The following UST variants were observed in gnomAD, a reference collection of about 807,000 sequenced individuals.
UST encodes chondroitin sulfate 2-O-sulfotransferase.
Under a neutral mutation model 45.6 loss-of-function variants are expected in UST, and 21 were observed. That is an observed-to-expected ratio of 0.46 (90% CI 0.33 to 0.66). The LOEUF is 0.66. UST is among the 30% of genes least tolerant of loss of function. UST has a pLI of 0.02. For missense variants in UST, 463 were observed against 512.4 expected, an observed-to-expected ratio of 0.90 and a Z score of 0.93; for synonymous variants, 215 against 200.6, an observed-to-expected ratio of 1.07 and a Z score of -0.61.
intron 1 of UST, among the ~76,000 whole-genome samples, chr6:148,770,040 C>T (rs147708869): frequency 6.6e-6 from 1 of 151,930 alleles, no homozygotes; most frequent in African/African-American, 2.4e-5. Context: ...ATTAAGAGTT[C>T]TAAAACATTG....
At chr6:148,995,172 G>A (rs1233072338) in intron 5 of UST, among the ~76,000 whole-genome samples, 2 of 152,092 alleles carry the variant, frequency 1.3e-5, no homozygotes, top group South Asian at 2.1e-4. Flanking sequence ...TTATAGGCAC[G>A]CACCACCACA....
intron 1 of UST, among the ~76,000 whole-genome samples, chr6:148,874,072 G>C (rs1198741646): frequency 6.6e-6 from 1 of 152,262 alleles, no homozygotes; most frequent in Non-Finnish European, 1.5e-5. Flanking sequence ...GTTAGCAGGT[G>C]TGTTAGCATT....
chr6:148,982,486 T>C (rs1365192900), intron 5 of UST, among the ~76,000 whole-genome samples: 5 of 152,146 alleles, frequency 3.3e-5, no homozygotes, highest in Non-Finnish European at 7.3e-5. Flanking sequence ...CACCTCCTAA[T>C]ACTATGACAT....
At chr6:148,950,993 C>A (rs923851132) in intron 3 of UST, among the ~76,000 whole-genome samples, 2 of 152,178 alleles carry the variant, frequency 1.3e-5, no homozygotes, top group African/African-American at 4.8e-5. Flanking sequence ...ATATTTTAGC[C>A]AGAGGTGAAG....
chr6:149,014,949 G>A (rs2115016134), intron 5 of UST, among the ~76,000 whole-genome samples: 1 of 152,238 alleles, frequency 6.6e-6, no homozygotes, highest in Middle Eastern at 3.4e-3. Context: ...GGCACCTCTG[G>A]AGGCTGCACA....
At chr6:148,905,242 G>GAA (rs1779333699) in intron 2 of UST, among the ~76,000 whole-genome samples, 1 of 152,118 alleles carries the variant, frequency 6.6e-6, no homozygotes, top group Non-Finnish European at 1.5e-5. Context: ...CTCTTCCCTG[G>GAA]TCCCTGACAC....
chr6:149,063,227 T>A (rs1776681130), intron 7 of UST, among the ~76,000 whole-genome samples: 1 of 152,230 alleles, frequency 6.6e-6, no homozygotes. Flanking sequence ...CTCTATTGTG[T>A]TCTTTAAATA....
At chr6:149,020,659 C>T (rs1775964053) in intron 6 of UST, among the ~76,000 whole-genome samples, 1 of 152,138 alleles carries the variant, frequency 6.6e-6, no homozygotes, top group Non-Finnish European at 1.5e-5. Flanking sequence ...TTGCCCAATT[C>T]CCCCAAATGA....
At chr6:149,003,426 A>G (rs1298703199) in intron 5 of UST, among the ~76,000 whole-genome samples, 2 of 145,982 alleles carry the variant, frequency 1.4e-5, no homozygotes, top group Admixed American at 6.9e-5. Context: ...TTGATGTCCA[A>G]TTTGGTAAAA....
chr6:148,757,803 A>AT (rs140164310), intron 1 of UST, among the ~76,000 whole-genome samples: 1,692 of 152,350 alleles, frequency 0.011, 26 homozygotes, highest in African/African-American at 0.039. Context: ...CATTCAACAA[A>AT]TATTCATGGA....
chr6:148,925,512 A>G (rs1458522200), intron 2 of UST, among the ~76,000 whole-genome samples: 1 of 152,264 alleles, frequency 6.6e-6, no homozygotes, highest in African/African-American at 2.4e-5. Context: ...AAGGTTGCCA[A>G]TGTGTAGGTT....
intron 1 of UST, among the ~76,000 whole-genome samples, chr6:148,821,845 TTACTTGATTCAATGGTC>T (rs199699912): frequency 0.011 from 1,681 of 152,352 alleles, 21 homozygotes; most frequent in Admixed American, 0.021. Flanking sequence ...TCATGGCATC[TTACTTGATTCAATGGTC>T]TATATTCCAT....
At chr6:148,944,201 T>C (rs940167842) in intron 3 of UST, among the ~76,000 whole-genome samples, 3 of 152,298 alleles carry the variant, frequency 2.0e-5, no homozygotes, top group South Asian at 4.1e-4. Flanking sequence ...CTATAAATGG[T>C]AGAATTCTGA....
chr6:148,907,568 A>T (rs1396359713), intron 2 of UST, among the ~76,000 whole-genome samples: 1 of 152,178 alleles, frequency 6.6e-6, no homozygotes, highest in African/African-American at 2.4e-5. Context: ...ATTACTTTAC[A>T]AAAGAGAACC....
intron 2 of UST, among the ~76,000 whole-genome samples, chr6:148,925,446 AAG>A (rs1484973324): frequency 2.6e-5 from 4 of 152,200 alleles, no homozygotes; most frequent in African/African-American, 9.6e-5. Flanking sequence ...TACAAAAAAA[AAG>A]AAAGAAGAAA....
At chr6:148,879,304 T>G (rs1778780771) in intron 1 of UST, among the ~76,000 whole-genome samples, 1 of 152,196 alleles carries the variant, frequency 6.6e-6, no homozygotes, top group African/African-American at 2.4e-5. Context: ...ACAAGAAGCT[T>G]GTTTTGTATA....
At chr6:149,019,904 C>T (rs571779602) in intron 6 of UST, among the ~76,000 whole-genome samples, 3 of 152,272 alleles carry the variant, frequency 2.0e-5, no homozygotes, top group Admixed American at 6.5e-5. Context: ...GTGTAGCAGC[C>T]TCCCCAGATG....
At chr6:148,810,656 G>C (rs1777239467) in intron 1 of UST, among the ~76,000 whole-genome samples, 1 of 152,110 alleles carries the variant, frequency 6.6e-6, no homozygotes, top group Non-Finnish European at 1.5e-5. Flanking sequence ...GGCCTTTTTG[G>C]ATGTGGGCTC....
At chr6:149,033,470 A>G (rs977705104) in intron 7 of UST, among the ~76,000 whole-genome samples, 56 of 152,376 alleles carry the variant, frequency 3.7e-4, no homozygotes, top group African/African-American at 1.3e-3. Flanking sequence ...CAAATGGCAC[A>G]GAATTGTGAA....
Sources: gnomAD v4.1 joint callset for allele counts (sites outside exome capture counted in the v4.1 genomes callset) on GRCh38, gnomAD v4.1.1 for gene constraint, MANE v1.5 for transcripts, NCBI Gene and HGNC (gene_info 2026-07-23, HGNC 2026-07-21) for gene names.